COL5A3: variants seen among roughly 807,000 people sequenced by gnomAD.
COL5A3 encodes collagen type V alpha 3 chain.
Under a neutral mutation model 250.0 loss-of-function variants are expected in COL5A3, and 172 were observed. The ratio of observed to expected loss-of-function variants is 0.69; its 90% CI spans 0.61 to 0.78. The LOEUF (loss-of-function observed/expected upper bound fraction) is 0.78. Ranked by LOEUF, COL5A3 falls within the 30% of genes least tolerant of loss-of-function variation. The pLI, the probability that COL5A3 is intolerant of heterozygous loss-of-function variation, is 0.00. For missense variants in COL5A3, 2,340 were observed against 2,334.4 expected, an observed-to-expected ratio of 1.00 and a Z score of -0.05; for synonymous variants, 937 against 900.4, an observed-to-expected ratio of 1.04 and a Z score of -0.73.
chr19:9,984,521 T>C (rs528521759), intron 31 of COL5A3, among the ~76,000 whole-genome samples: 48 of 152,328 alleles, frequency 3.2e-4, no homozygotes, highest in Non-Finnish European at 5.7e-4. Context: ...ATTCAAGATA[T>C]GTAAGATGTG....
Position 9,978,554 on chromosome 19 carries a change from G to C in COL5A3, c.3018+20C>G. 6.4e-7 allele frequency: 1 copy of C among 1,557,070 alleles called. No homozygotes were observed. Among genetic ancestry groups the C allele is most frequent in the African/African-American group, 1.4e-5 (1 of 72,838 alleles). On this transcript the variant is annotated intron_variant, in intron 41 of 66. Coordinates refer to ENST00000264828, the MANE Select transcript of COL5A3 (RefSeq NM_015719.4). ...GTCCCCTCCACCCTGCCCCCACCCA[G>C]CACATGGGGTTATACTTACATTGGC...
rs751038369 is a variant in COL5A3, at chr19:9,977,359, C to T, written c.3234+6G>A. On this transcript the variant is annotated splice_donor_region_variant and intron_variant, in intron 43 of 66. Coordinates refer to ENST00000264828, the MANE Select transcript of COL5A3 (RefSeq NM_015719.4). ...CCTGGACCCTTCCTCTCTGTGAACC[C>T]CTCACCTTGTCCCCTTCCTCGCCAG... is the stretch of plus-strand genomic sequence containing the variant. 1.4e-5 allele frequency: 23 copies of T among 1,605,490 alleles called. No individual in the cohort carries two copies. The highest frequency in any genetic ancestry group is 3.4e-6 in the Non-Finnish European group (4 of 1,173,978).
In COL5A3 at chr19:10,001,512, C is replaced by G. The variant is rs1186918179; in HGVS notation, c.1110+12G>C. 6.2e-7 allele frequency: 1 copy of G among 1,613,286 alleles called. No homozygotes were observed. Among genetic ancestry groups the G allele is most frequent in the East Asian group, 2.2e-5 (1 of 44,892 alleles). On this transcript the variant is annotated intron_variant, in intron 8 of 66. Transcript: ENST00000264828. ...CTCTCTTGCACCTAACCCCAGCCAC[C>G]TAGAAACTCACAGGAAAGATCTGGA... is the stretch of plus-strand genomic sequence containing the variant.
chr19:9,998,200 T>C lies in COL5A3; in HGVS notation c.1111-51A>G, dbSNP rs763300266. Reference sequence around the variant, plus strand: ...GAGAAAAGAGATGTGAACTTGGACATAAGCCCTTCAGTTATCTGATCACAC... The same window carrying C: ...GAGAAAAGAGATGTGAACTTGGACACAAGCCCTTCAGTTATCTGATCACAC... On this transcript the variant is annotated intron_variant, in intron 8 of 66. Coordinates refer to ENST00000264828, the MANE Select transcript of COL5A3 (RefSeq NM_015719.4). 5.2e-6 allele frequency: 8 copies of C among 1,552,664 alleles called. No homozygotes were observed. The African/African-American group carries it at 9.6e-5, about 19-fold the overall frequency.
At chr19:9,967,837 G>T in intron 61 of COL5A3, 67 bp downstream of exon 61, 1 of 1,470,810 alleles carries the variant, frequency 6.8e-7, no homozygotes, top group Non-Finnish European at 9.3e-7. Context: ...AGACGTGGAG[G>T]GTTCTGGTGC....
intron 43 of COL5A3, 33 bp downstream of exon 43, chr19:9,977,332 C>A: frequency 6.2e-7 from 1 of 1,612,778 alleles, no homozygotes; most frequent in Non-Finnish European, 8.5e-7. Flanking sequence ...CCCCCATCCT[C>A]CCCTGGACCC....
At position 9,969,376 on chromosome 19, in the gene COL5A3, A is replaced by C. The variant is rs1406598272; in HGVS notation, c.4125T>G (p.Pro1375=). ...PVGEPGLLGA[P]GQMGPPGPLG... is the part of the protein sequence containing the mutation. Reference sequence around the variant, plus strand: ...GGGGGCCAGGAGGGCCCATCTGTCCAGGGGCTCCCAGGAGGCCTGGTTCAC... The same window carrying C: ...GGGGGCCAGGAGGGCCCATCTGTCCCGGGGCTCCCAGGAGGCCTGGTTCAC... The change falls in exon 57 of 67, where the codon CCT becomes CCG. Residue 1375 remains proline (P), a synonymous_variant. Transcript: ENST00000264828. The C allele has an allele frequency of 6.2e-7, 1 of 1,606,998 alleles. No individual in the cohort carries two copies. The highest frequency in any genetic ancestry group is 1.1e-5 in the South Asian group (1 of 90,208).
Position 9,986,426 on chromosome 19 carries a change from G to C in COL5A3, c.2245-4C>G, listed in dbSNP as rs2087101077. 1 of 1,612,704 alleles carries C rather than the reference G, an allele frequency of 6.2e-7. No homozygotes were observed. The highest frequency in any genetic ancestry group is 1.3e-5 in the African/African-American group (1 of 74,944). ...GACCTGGAGCTCCGGGTTTCCCCTG[G>C]AAGAAAAAGGAGAGTATTTAATATC... On this transcript the variant is annotated splice_polypyrimidine_tract_variant and splice_region_variant and intron_variant, in intron 29 of 66. Coordinates refer to ENST00000264828, the MANE Select transcript of COL5A3 (RefSeq NM_015719.4).
Position 9,977,297 on chromosome 19 carries a change from G to T in COL5A3, c.3235-15C>A, listed in dbSNP as rs370551567. 6.2e-6 allele frequency: 10 copies of T among 1,613,888 alleles called. No homozygotes were observed. The African/African-American group carries it at 1.2e-4, about 19-fold the overall frequency. Reference sequence around the variant, plus strand: ...CCCACATCCCCCTGCAGAGGAAATGGGATGAAGGACCCAGCTTCCATTCAC... The same window carrying T: ...CCCACATCCCCCTGCAGAGGAAATGTGATGAAGGACCCAGCTTCCATTCAC... On this transcript the variant is annotated splice_polypyrimidine_tract_variant and intron_variant, in intron 43 of 66. Coordinates refer to ENST00000264828, the MANE Select transcript of COL5A3 (RefSeq NM_015719.4).
Position 9,997,442 on chromosome 19 carries a change from G to A in COL5A3, c.1201-9C>T. 6.3e-7 allele frequency: 1 copy of A among 1,593,732 alleles called. No individual in the cohort carries two copies. Among genetic ancestry groups the A allele is most frequent in the Non-Finnish European group, 8.6e-7 (1 of 1,169,268 alleles). On this transcript the variant is annotated splice_polypyrimidine_tract_variant and intron_variant, in intron 10 of 66. Transcript: ENST00000264828. The stretch of plus-strand genomic sequence containing the variant: ...GAGGGGCCAACCACCCCCTGTTGGG[G>A]ACAGAGAAACAGGAGTCACAGGAAG...
chr19:9,970,897 C>A, intron 53 of COL5A3, 78 bp downstream of exon 53: 3 of 1,294,164 alleles, frequency 2.3e-6, no homozygotes, highest in South Asian at 1.5e-5. Flanking sequence ...CTAGCCCACT[C>A]CCCTGCCCCC....
Position 9,991,801 on chromosome 19 carries a change from T to G in COL5A3, c.1934A>C (p.Asn645Thr). ...GACAGTTCAAACCTGGGACCCATGG[T>G]TTCCCTGCTGTCCCGGAGGGCCTGG... ...GEPGPPGQQG[N>T]HGSQGLPGPQ... is the part of the protein sequence containing the mutation. The change falls in exon 23 of 67, where the codon AAC becomes ACC. Residue 645 changes from asparagine (N) to threonine (T), a missense_variant. Physicochemically the swap from Asn to Thr is moderately conservative, Grantham distance 65. Coordinates refer to ENST00000264828, the MANE Select transcript of COL5A3 (RefSeq NM_015719.4). 1.2e-6 allele frequency: 2 copies of G among 1,608,044 alleles called. No homozygotes were observed. The highest frequency in any genetic ancestry group is 8.5e-7 in the Non-Finnish European group (1 of 1,177,374).
chr19:9,970,935 A>G (rs772002596), intron 53 of COL5A3, 40 bp downstream of exon 53: 1 of 1,503,102 alleles, frequency 6.7e-7, no homozygotes, highest in East Asian at 2.5e-5. Context: ...TAGCTCCCCA[A>G]CCCCCGCCTC....
chr19:9,997,480 G>A, intron 10 of COL5A3, 47 bp from the exon 11 acceptor site: 2 of 1,340,682 alleles, frequency 1.5e-6, no homozygotes, highest in South Asian at 1.3e-5. Flanking sequence ...CAAAGTTTGA[G>A]CTAGGCTGAC....
At chr19:10,004,002 T>A in intron 5 of COL5A3, 39 bp downstream of exon 5, 1 of 1,493,568 alleles carries the variant, frequency 6.7e-7, no homozygotes, top group Non-Finnish European at 9.3e-7. Flanking sequence ...GGACCCAGCC[T>A]GTGTCCTGAG....
Position 10,005,681 on chromosome 19 carries a change from C to G in COL5A3, c.471G>C (p.Glu157Asp). Residue 157 changes from glutamate (E) to aspartate (D), a missense_variant, in exon 4 of 67, where the codon GAG (glutamate) becomes GAC (aspartate). This residue lies in a region of COL5A3 where 1,152 missense variants were observed against 1,146.3 expected (regional missense o/e 1.00). Transcript: ENST00000264828. ...WHRVAVSIDG[E>D]MVTLVADCEA... Reference sequence around the variant, plus strand: ...CACAGTCAGCTACCAGGGTCACCATCTCACCATCTATGCTGACGGCCACAC... The same window carrying G: ...CACAGTCAGCTACCAGGGTCACCATGTCACCATCTATGCTGACGGCCACAC... 1 of 1,613,398 alleles carries G rather than the reference C, an allele frequency of 6.2e-7. No homozygotes were observed. Among genetic ancestry groups the G allele is most frequent in the Non-Finnish European group, 8.5e-7 (1 of 1,179,516 alleles).
rs568535913 is a variant in COL5A3 at position 10,005,615 on chromosome 19, G to C, written c.537C>G (p.Ile179Met). Residue 179 changes from isoleucine (I) to methionine (M), a missense_variant, in exon 4 of 67, where the codon ATC becomes ATG. Ile to Met is a conservative substitution (Grantham distance 10). Coordinates refer to ENST00000264828, the MANE Select transcript of COL5A3 (RefSeq NM_015719.4). ...PPVLGHGPRF[I>M]SIAGLTVLGT... ...CCAGCACAGTGAGTCCAGCTATGCTGATGAAGCGGGGGCCATGGCCCAAAA... is the reference window on the plus strand; with the variant it reads ...CCAGCACAGTGAGTCCAGCTATGCTCATGAAGCGGGGGCCATGGCCCAAAA... 21 of 1,614,158 alleles carry C rather than the reference G, an allele frequency of 1.3e-5. No individual in the cohort carries two copies. The South Asian group carries it at 2.1e-4, about 16-fold the overall frequency.
intron 45 of COL5A3, among the ~76,000 whole-genome samples, chr19:9,975,389 G>T (rs1376663414): frequency 5.3e-5 from 8 of 152,032 alleles, no homozygotes; most frequent in Non-Finnish European, 1.2e-4. Flanking sequence ...TGGAGATAAG[G>T]TTTGAGTAGA....
Position 9,968,239 on chromosome 19 carries a change from C to T in COL5A3, c.4314+146G>A. 2 of 982,634 alleles carry T rather than the reference C, an allele frequency of 2.0e-6. No individual in the cohort carries two copies. Among genetic ancestry groups the T allele is most frequent in the Non-Finnish European group, 3.1e-6 (2 of 646,406 alleles). The allele number at this position is 982,634 out of a possible 1,614,324, so 60.9% of individuals were successfully genotyped here. The stretch of plus-strand genomic sequence containing the variant: ...CCCAAACCCCAGACGCAGCCTCCAA[C>T]TTGCCAGTTCCCAGATACATCCCCC... On this transcript the variant is annotated intron_variant, in intron 59 of 66. Coordinates refer to ENST00000264828, the MANE Select transcript of COL5A3 (RefSeq NM_015719.4). The surrounding 1 kb of genome is among the most constrained non-coding windows in gnomAD (Gnocchi z 4.1).
Sources: gnomAD v4.1 joint callset for allele counts (sites outside exome capture counted in the v4.1 genomes callset) on GRCh38, gnomAD v4.1.1 for gene constraint, gnomAD v4.1.1 regional missense constraint, Gnocchi (gnomAD v3.1) non-coding constraint, MANE v1.5 for transcripts, NCBI Gene and HGNC (gene_info 2026-07-23, HGNC 2026-07-21) for gene names.